Variants in CADM2 observed in about 807,000 individuals in gnomAD.
CADM2 encodes the protein immunoglobulin superfamily member 4D.
A neutral mutation model predicts 49.8 loss-of-function variants in CADM2; 12 were observed. The observed-to-expected ratio is 0.24, with a 90% CI of 0.15 to 0.39. CADM2 has a LOEUF of 0.39. Among genes scored for constraint, CADM2 ranks in the 10% least tolerant of loss-of-function variants. CADM2 has a pLI of 1.00. For missense variants in CADM2, 378 were observed against 492.3 expected, an observed-to-expected ratio of 0.77 and a Z score of 2.20; for synonymous variants, 214 against 175.4, an observed-to-expected ratio of 1.22 and a Z score of -1.74.
chr3:86,013,520 G>C, intron 8 of CADM2: 1 of 1,604,502 alleles, frequency 6.2e-7, no homozygotes. Context: ...CAGTTAACAC[G>C]TTGTTTTCTT....
intron 1 of CADM2, among the ~76,000 whole-genome samples, chr3:85,291,615 G>T (rs1576293823): frequency 6.8e-6 from 1 of 147,428 alleles, no homozygotes; most frequent in East Asian, 1.9e-4. Flanking sequence ...CAAGCCAGAA[G>T]AGAGTGGGGG....
chr3:85,815,255 A>G (rs1007034966), intron 3 of CADM2, among the ~76,000 whole-genome samples: 1 of 152,164 alleles, frequency 6.6e-6, no homozygotes, highest in Non-Finnish European at 1.5e-5. Flanking sequence ...TGAGGCCAGC[A>G]TCATCCTGAT....
chr3:85,813,316 T>C (rs1373987684), intron 3 of CADM2, among the ~76,000 whole-genome samples: 3 of 152,260 alleles, frequency 2.0e-5, no homozygotes, highest in Non-Finnish European at 4.4e-5. Context: ...ATAAGCTTTT[T>C]TTCATGTTTG....
chr3:85,277,776 T>A (rs2043394077), intron 1 of CADM2, among the ~76,000 whole-genome samples: 1 of 151,222 alleles, frequency 6.6e-6, no homozygotes, highest in Non-Finnish European at 1.5e-5. Flanking sequence ...TTTTATATTC[T>A]ATTGCAAACA....
intron 3 of CADM2, among the ~76,000 whole-genome samples, chr3:85,856,520 T>C (rs2075323561): frequency 6.6e-6 from 1 of 152,196 alleles, no homozygotes; most frequent in Non-Finnish European, 1.5e-5. Flanking sequence ...TTCAGAAGCA[T>C]CATAGGCTAT....
intron 1 of CADM2, among the ~76,000 whole-genome samples, chr3:85,666,691 G>T (rs1011746761): frequency 4.0e-5 from 4 of 99,292 alleles, no homozygotes; most frequent in Admixed American, 2.3e-4. Context: ...CTTAGTATCT[G>T]TGTTGATTTT....
intron 1 of CADM2, among the ~76,000 whole-genome samples, chr3:85,430,628 A>G (rs1169090986): frequency 1.3e-5 from 2 of 151,446 alleles, no homozygotes; most frequent in Non-Finnish European, 2.9e-5. Flanking sequence ...GGGGGAGTAA[A>G]AGGGAGAGAA....
chr3:85,392,280 T>C (rs931020965), intron 1 of CADM2, among the ~76,000 whole-genome samples: 10 of 152,102 alleles, frequency 6.6e-5, no homozygotes, highest in African/African-American at 2.4e-4. Context: ...ACACCTGATA[T>C]AACTTAAATA....
intron 1 of CADM2, among the ~76,000 whole-genome samples, chr3:85,640,612 G>A (rs1414802458): frequency 6.6e-6 from 1 of 152,070 alleles, no homozygotes; most frequent in African/African-American, 2.4e-5. Context: ...AGACCTGGTT[G>A]GTGGGGAAAG....
At chr3:85,090,506 C>T (rs1266875821) in intron 1 of CADM2, among the ~76,000 whole-genome samples, 1 of 152,044 alleles carries the variant, frequency 6.6e-6, no homozygotes, top group East Asian at 1.9e-4. Context: ...AGAATAGATA[C>T]AAAATATTTT....
At chr3:85,451,909 T>A (rs1381059213) in intron 1 of CADM2, among the ~76,000 whole-genome samples, 1 of 151,964 alleles carries the variant, frequency 6.6e-6, no homozygotes, top group Admixed American at 6.6e-5. Context: ...TTAGAAGAGT[T>A]TTAAAGTACT....
intron 3 of CADM2, among the ~76,000 whole-genome samples, chr3:85,875,880 C>G (rs1209888043): frequency 6.6e-6 from 1 of 152,166 alleles, no homozygotes; most frequent in Non-Finnish European, 1.5e-5. Context: ...AAATTCAATA[C>G]TGGATCAAAG....
chr3:85,595,266 C>T (rs77621454), intron 1 of CADM2, among the ~76,000 whole-genome samples: 1 of 151,988 alleles, frequency 6.6e-6, no homozygotes, highest in African/African-American at 2.4e-5. Context: ...CTAAGGTTCA[C>T]CTTTAGAAAT....
At chr3:85,862,763 G>C (rs546553190) in intron 3 of CADM2, among the ~76,000 whole-genome samples, 132 of 152,170 alleles carry the variant, frequency 8.7e-4, no homozygotes, top group Non-Finnish European at 1.7e-3. Context: ...TAAGGTATCA[G>C]AATGGCTTGG....
chr3:85,913,371 A>G (rs1373317661), intron 6 of CADM2, among the ~76,000 whole-genome samples: 1 of 152,212 alleles, frequency 6.6e-6, no homozygotes, highest in Non-Finnish European at 1.5e-5. Flanking sequence ...CTGAATTGCA[A>G]TATTTGATTT....
At chr3:86,039,548 C>A (rs1467481840) in intron 8 of CADM2, among the ~76,000 whole-genome samples, 25 of 152,178 alleles carry the variant, frequency 1.6e-4, no homozygotes, top group Admixed American at 1.6e-3. Context: ...GGGTGCCCAC[C>A]ATTGCCTAGG....
intron 8 of CADM2, among the ~76,000 whole-genome samples, chr3:86,049,906 A>G (rs1737145457): frequency 6.6e-6 from 1 of 152,166 alleles, no homozygotes; most frequent in Admixed American, 6.5e-5. Flanking sequence ...TGGTGGGGAC[A>G]CAGATCCAAA....
At chr3:85,729,588 T>G (rs937384775) in intron 2 of CADM2, among the ~76,000 whole-genome samples, 3 of 152,144 alleles carry the variant, frequency 2.0e-5, no homozygotes, top group Non-Finnish European at 4.4e-5. Context: ...GTATGTAGAT[T>G]TAATAAAATG....
chr3:85,758,704 A>G (rs1054656902), intron 2 of CADM2, among the ~76,000 whole-genome samples: 1 of 152,144 alleles, frequency 6.6e-6, no homozygotes, highest in African/African-American at 2.4e-5. Context: ...GGGATGTTCA[A>G]TGTAGCAGTA....
Sources: gnomAD v4.1 joint callset for allele counts (sites outside exome capture counted in the v4.1 genomes callset) on GRCh38, gnomAD v4.1.1 for gene constraint, MANE v1.5 for transcripts, NCBI Gene and HGNC (gene_info 2026-07-23, HGNC 2026-07-21) for gene names.